The following DAB2IP variants were observed in gnomAD, a reference collection of about 807,000 sequenced individuals.
The protein encoded by DAB2IP is disabled homolog 2-interacting protein.
DAB2IP carries 28 observed loss-of-function variants against 107.2 expected under a neutral mutation model. That is an observed-to-expected ratio of 0.26 (90% CI 0.19 to 0.36). DAB2IP has a LOEUF of 0.36. DAB2IP is among the 10% of genes least tolerant of loss of function. The pLI is 1.00. For missense variants in DAB2IP, 1,400 were observed against 1,644.7 expected, an observed-to-expected ratio of 0.85 and a Z score of 2.57; for synonymous variants, 755 against 706.4, an observed-to-expected ratio of 1.07 and a Z score of -1.09.
intron 1 of DAB2IP, among the ~76,000 whole-genome samples, chr9:121,618,019 G>C (rs1289590681): frequency 6.6e-6 from 1 of 152,234 alleles, no homozygotes; most frequent in Admixed American, 6.5e-5. Flanking sequence ...ATCACCTTTT[G>C]TGGCCAGCTC....
intron 3 of DAB2IP, among the ~76,000 whole-genome samples, chr9:121,724,529 T>C (rs1318089924): frequency 6.6e-6 from 1 of 152,232 alleles, no homozygotes; most frequent in Non-Finnish European, 1.5e-5. Flanking sequence ...CGTGTACTTT[T>C]CCCACACTCT....
intron 14 of DAB2IP, among the ~76,000 whole-genome samples, chr9:121,777,968 G>A (rs908512178): frequency 3.9e-5 from 6 of 152,174 alleles, no homozygotes; most frequent in Non-Finnish European, 5.9e-5. Flanking sequence ...TGTTGGTATG[G>A]TATAGCTTTT....
chr9:121,781,305 G>T (rs1835622408), intron 14 of DAB2IP, among the ~76,000 whole-genome samples, 159 bp from the exon 15 acceptor site: 1 of 152,174 alleles, frequency 6.6e-6, no homozygotes, highest in East Asian at 1.9e-4. Context: ...CGGCTGGAGG[G>T]CCTCTGCCCC....
intron 3 of DAB2IP, among the ~76,000 whole-genome samples, chr9:121,721,856 G>A (rs1359661963): frequency 6.6e-6 from 1 of 152,172 alleles, no homozygotes; most frequent in Non-Finnish European, 1.5e-5. Context: ...GGTGGTGGTG[G>A]GAATCTGCCT....
At position 121,724,140 on chromosome 9, in the gene DAB2IP, C is replaced by T. The variant is rs137969370; in HGVS notation, c.362+24682C>T. Among the ~76,000 whole-genome samples, 10 of 152,142 alleles carry T rather than the reference C, an allele frequency of 6.6e-5. No individual in the cohort carries two copies. In the South Asian group the frequency reaches 1.9e-3, roughly 28 times the overall value. ...TGTGCTGTGTGCCCTGCCGTCATGG[C>T]TCCCCACTGGACCCTGCACCGAGCC... On this transcript the variant is annotated intron_variant, in intron 3 of 15. Transcript: ENST00000408936.
chr9:121,573,374 G>C (rs1026569796), intron 1 of DAB2IP, among the ~76,000 whole-genome samples: 1 of 151,904 alleles, frequency 6.6e-6, no homozygotes, highest in Non-Finnish European at 1.5e-5. Flanking sequence ...ACCGTGCCCA[G>C]CATTTTTTTG....
Position 121,782,331 on chromosome 9 carries a change from G to A in DAB2IP, c.3403G>A (p.Glu1135Lys). 6.2e-7 allele frequency: 1 copy of A among 1,613,724 alleles called. No individual in the cohort carries two copies. The highest frequency in any genetic ancestry group is 8.5e-7 in the Non-Finnish European group (1 of 1,179,760). ...CCGCTCACATCCCCATTGTCCACAG[G>A]AGAAGCGCATTGCCTCGTTGGATGC... Residue 1135 changes from glutamate (E) to lysine (K), a missense_variant and splice_region_variant, in exon 16 of 16, where the codon GAG (glutamate) becomes AAG (lysine). This residue lies in a region of DAB2IP where 600 missense variants were observed against 659.1 expected (regional missense o/e 0.91). Coordinates refer to ENST00000408936, the Ensembl canonical transcript of DAB2IP. This position sits in a 1 kb window ranked among gnomAD's most constrained non-coding sequence, Gnocchi z 6.1.
chr9:121,635,883 G>A lies in DAB2IP; in HGVS notation c.41-42795G>A, dbSNP rs1056241175. On this transcript the variant is annotated intron_variant, in intron 1 of 16. Coordinates refer to the DAB2IP transcript ENST00000259371. The surrounding 1 kb of genome is among the most constrained non-coding windows in gnomAD (Gnocchi z 4.3). ...CTGCAGAGGACCTTCCCAAGGGACA[G>A]TCCCCTGTTTAGATGTCTTTTTTGG... 6.8e-6 allele frequency among the ~76,000 whole-genome samples: 1 copy of A among 147,666 alleles called. No individual in the cohort carries two copies. Among genetic ancestry groups the A allele is most frequent in the Non-Finnish European group, 1.5e-5 (1 of 67,360 alleles).
chr9:121,682,044 C>T (rs1194562482), intron 2 of DAB2IP, among the ~76,000 whole-genome samples: 1 of 152,194 alleles, frequency 6.6e-6, no homozygotes, highest in East Asian at 1.9e-4. Flanking sequence ...GGAGTACAGG[C>T]AGAGGACAAG....
chr9:121,580,663 TG>T, intron 1 of DAB2IP, among the ~76,000 whole-genome samples: 1 of 152,036 alleles, frequency 6.6e-6, no homozygotes, highest in Admixed American at 6.5e-5. Flanking sequence ...CTCGCTCTGT[TG>T]CCCAGGCTGG....
chr9:121,704,973 C>G (rs1403780248), intron 3 of DAB2IP, among the ~76,000 whole-genome samples: 1 of 152,236 alleles, frequency 6.6e-6, no homozygotes, highest in East Asian at 1.9e-4. Context: ...GCAGGGCTGA[C>G]CGGCCCAGGA....
intron 1 of DAB2IP, among the ~76,000 whole-genome samples, chr9:121,621,636 C>CTTTT (rs538942620): frequency 7.4e-6 from 1 of 134,878 alleles, no homozygotes; most frequent in Non-Finnish European, 1.6e-5. Context: ...TCTTTTTTTC[C>CTTTT]TTTTTTTTTT....
chr9:121,676,245 G>A (rs1403215638), intron 1 of DAB2IP, among the ~76,000 whole-genome samples: 1 of 152,214 alleles, frequency 6.6e-6, no homozygotes, highest in African/African-American at 2.4e-5. Flanking sequence ...ATGTGACTGT[G>A]TGGAGGGAAT....
intron 3 of DAB2IP, among the ~76,000 whole-genome samples, chr9:121,718,827 C>A (rs1830759663): frequency 6.6e-6 from 1 of 152,202 alleles, no homozygotes; most frequent in Non-Finnish European, 1.5e-5. Flanking sequence ...CCCTGTGATT[C>A]CTACTTTGAT....
In DAB2IP at chr9:121,772,856, C is replaced by A. The variant is rs34923170; in HGVS notation, c.2328C>A (p.Ala776=). The A allele has an allele frequency of 3.8e-6, 6 of 1,593,626 alleles. No individual in the cohort carries two copies. The highest frequency in any genetic ancestry group is 2.2e-5 in the South Asian group (2 of 89,906). ...ACGTCCTCCCCACAGATGGGCAGGC[C>A]GCTGCAGCTCAGCTGGTGGCCGGGT... Residue 776 remains alanine (A), a synonymous_variant, in exon 12 of 16, where the codon GCC becomes GCA. Transcript: ENST00000408936. This position sits in a 1 kb window ranked among gnomAD's most constrained non-coding sequence, Gnocchi z 4.7.
intron 1 of DAB2IP, among the ~76,000 whole-genome samples, chr9:121,616,175 G>A (rs1017668189): frequency 6.6e-6 from 1 of 152,154 alleles, no homozygotes; most frequent in African/African-American, 2.4e-5. Context: ...GGCCCTATGT[G>A]GTTGCCTCCT....
chr9:121,663,136 T>C (rs2119095647), intron 1 of DAB2IP, among the ~76,000 whole-genome samples: 1 of 152,126 alleles, frequency 6.6e-6, no homozygotes, highest in Non-Finnish European at 1.5e-5. Context: ...AGATAAGGAA[T>C]AGGAAGCATG....
chr9:121,722,049 A>G (rs1276103728), intron 3 of DAB2IP, among the ~76,000 whole-genome samples: 1 of 152,248 alleles, frequency 6.6e-6, no homozygotes. Flanking sequence ...ACACCGTCAC[A>G]TAAATGAGGC....
intron 3 of DAB2IP, among the ~76,000 whole-genome samples, chr9:121,740,416 T>C (rs1255010773): frequency 6.6e-6 from 1 of 152,196 alleles, no homozygotes; most frequent in African/African-American, 2.4e-5. Flanking sequence ...TCTCTCTGGG[T>C]CCACGGCCCC....
Sources: gnomAD v4.1 joint callset for allele counts (sites outside exome capture counted in the v4.1 genomes callset) on GRCh38, gnomAD v4.1.1 for gene constraint, gnomAD v4.1.1 regional missense constraint, Gnocchi (gnomAD v3.1) non-coding constraint, MANE v1.5 for transcripts, NCBI Gene and HGNC (gene_info 2026-07-23, HGNC 2026-07-21) for gene names.